The following DRD2 variants were observed in gnomAD, a reference collection of about 807,000 sequenced individuals.
The protein encoded by DRD2 is D(2) dopamine receptor.
A neutral mutation model predicts 38.0 loss-of-function variants in DRD2; 8 were observed. That is an observed-to-expected ratio of 0.21 (90% CI 0.12 to 0.38). The LOEUF (loss-of-function observed/expected upper bound fraction) is 0.38, where lower values mean the gene tolerates loss of function less well. Ranked by LOEUF, DRD2 falls within the 10% of genes least tolerant of loss-of-function variation. DRD2 has a pLI of 1.00. For missense variants in DRD2, 403 were observed against 607.7 expected, an observed-to-expected ratio of 0.66 and a Z score of 3.54; for synonymous variants, 230 against 238.6, an observed-to-expected ratio of 0.96 and a Z score of 0.33.
intron 1 of DRD2, among the ~76,000 whole-genome samples, chr11:113,428,404 G>A (rs977667743): frequency 2.0e-5 from 3 of 152,262 alleles, no homozygotes; most frequent in Middle Eastern, 3.4e-3. Context: ...GGAAAGCAGC[G>A]AGGCCTTGAA....
chr11:113,414,353 G>T, intron 6 of DRD2, 22 bp downstream of exon 6: 2 of 1,609,376 alleles, frequency 1.2e-6, no homozygotes, highest in Non-Finnish European at 1.7e-6. Context: ...CCTGGCTCTG[G>T]GTCCCTGGCC....
chr11:113,422,198 G>A (rs2734833), intron 2 of DRD2, among the ~76,000 whole-genome samples: 69,732 of 151,984 alleles, frequency 0.46, 18,091 homozygotes, highest in Non-Finnish European at 0.6. Context: ...CCAAGGGGGC[G>A]GTGAATAGGA....
intron 1 of DRD2, among the ~76,000 whole-genome samples, chr11:113,473,392 G>GA (rs1951447672): frequency 1.3e-5 from 2 of 152,118 alleles, no homozygotes; most frequent in Admixed American, 6.5e-5. Context: ...CAAGGAAGAA[G>GA]CAAAAATACG....
At chr11:113,452,465 TGTGTGCGC>T (rs1200246816) in intron 1 of DRD2, among the ~76,000 whole-genome samples, 59 of 89,598 alleles carry the variant, frequency 6.6e-4, no homozygotes, top group African/African-American at 1.9e-3. Flanking sequence ...TGTGTGTGTG[TGTGTGCGC>T]GCGCGCGCGC....
chr11:113,454,742 G>A (rs931611618), intron 1 of DRD2, among the ~76,000 whole-genome samples: 3 of 152,200 alleles, frequency 2.0e-5, no homozygotes, highest in East Asian at 3.8e-4. Context: ...TAGAGAAAAC[G>A]TGGTATCCAC....
chr11:113,418,738 AC>A (rs776530844), intron 2 of DRD2, among the ~76,000 whole-genome samples: 34 of 152,210 alleles, frequency 2.2e-4, no homozygotes, highest in Non-Finnish European at 4.3e-4. Flanking sequence ...ACTAGAGATC[AC>A]CCCTGTAGCC....
chr11:113,423,590 A>C (rs531534923), intron 2 of DRD2, among the ~76,000 whole-genome samples: 2 of 152,250 alleles, frequency 1.3e-5, no homozygotes, highest in African/African-American at 4.8e-5. Flanking sequence ...CTATTTTGTA[A>C]AGTGAGAAGA....
chr11:113,451,701 G>T (rs2119909965), intron 1 of DRD2, among the ~76,000 whole-genome samples: 1 of 152,082 alleles, frequency 6.6e-6, no homozygotes, highest in Non-Finnish European at 1.5e-5. Context: ...TGTCGGCCAG[G>T]CTGGTCTCAA....
At chr11:113,452,486 G>GCA (rs1465886123) in intron 1 of DRD2, among the ~76,000 whole-genome samples, 4 of 144,304 alleles carry the variant, frequency 2.8e-5, no homozygotes, top group Middle Eastern at 3.6e-3. Flanking sequence ...GCGCGCGCGC[G>GCA]CACATTGGGG....
intron 5 of DRD2, among the ~76,000 whole-genome samples, chr11:113,414,998 T>A (rs1449571171): frequency 1.3e-5 from 2 of 151,694 alleles, no homozygotes; most frequent in Non-Finnish European, 2.9e-5. Context: ...AGAGACATAG[T>A]GGAGAGGAAG....
At chr11:113,444,602 T>C (rs1951125773) in intron 1 of DRD2, among the ~76,000 whole-genome samples, 1 of 152,208 alleles carries the variant, frequency 6.6e-6, no homozygotes, top group African/African-American at 2.4e-5. Flanking sequence ...GGCTTACACA[T>C]CCACAACCTG....
chr11:113,433,129 G>A (rs918092983), intron 1 of DRD2, among the ~76,000 whole-genome samples: 2 of 152,134 alleles, frequency 1.3e-5, no homozygotes, highest in African/African-American at 2.4e-5. Context: ...AGGAGGGGGA[G>A]GAGAAACAGA....
chr11:113,434,556 G>A (rs1183577848), intron 1 of DRD2, among the ~76,000 whole-genome samples: 1 of 152,220 alleles, frequency 6.6e-6, no homozygotes, highest in African/African-American at 2.4e-5. Context: ...GTGGCACAAA[G>A]GTGTTATAAG....
intron 1 of DRD2, among the ~76,000 whole-genome samples, chr11:113,429,382 C>T (rs2138187823): frequency 6.6e-6 from 1 of 152,266 alleles, no homozygotes; most frequent in South Asian, 2.1e-4. Context: ...GTAGCCAGGA[C>T]TACAGGTGCC....
chr11:113,438,943 A>G (rs1450687272), intron 1 of DRD2, among the ~76,000 whole-genome samples: 1 of 152,236 alleles, frequency 6.6e-6, no homozygotes, highest in Non-Finnish European at 1.5e-5. Flanking sequence ...CCACTTCTCT[A>G]ATTCTCAACT....
At chr11:113,429,384 A>G (rs1484878820) in intron 1 of DRD2, among the ~76,000 whole-genome samples, 2 of 152,234 alleles carry the variant, frequency 1.3e-5, no homozygotes, top group African/African-American at 4.8e-5. Context: ...AGCCAGGACT[A>G]CAGGTGCCCG....
At chr11:113,439,231 G>T (rs1951064666) in intron 1 of DRD2, among the ~76,000 whole-genome samples, 1 of 152,174 alleles carries the variant, frequency 6.6e-6, no homozygotes, top group Non-Finnish European at 1.5e-5. Context: ...AAACCTATGT[G>T]TATCTTTAGC....
chr11:113,429,431 G>C (rs746096538), intron 1 of DRD2, among the ~76,000 whole-genome samples: 5 of 152,072 alleles, frequency 3.3e-5, no homozygotes, highest in African/African-American at 4.8e-5. Context: ...ATTTTTAGTA[G>C]AGACGGGGTT....
chr11:113,449,774 A>T (rs1274851795), intron 1 of DRD2, among the ~76,000 whole-genome samples: 1 of 152,218 alleles, frequency 6.6e-6, no homozygotes, highest in Non-Finnish European at 1.5e-5. Context: ...ATACTCAGAC[A>T]AGCCGGATGG....
Sources: allele counts gnomAD v4.1 joint callset (sites outside exome capture counted in the v4.1 genomes callset), GRCh38; gene constraint gnomAD v4.1.1; transcripts MANE v1.5; gene names NCBI Gene and HGNC (gene_info 2026-07-23, HGNC 2026-07-21).